YLPM1: variants seen among roughly 807,000 people sequenced by gnomAD.
The protein encoded by YLPM1 is YLP motif-containing protein 1.
Under a neutral mutation model 230.0 loss-of-function variants are expected in YLPM1, and 99 were observed. That is an observed-to-expected ratio of 0.43 (90% CI 0.37 to 0.51). The LOEUF (loss-of-function observed/expected upper bound fraction) is 0.51. Ranked by LOEUF, YLPM1 falls within the 20% of genes least tolerant of loss-of-function variation. The pLI is 0.00. For synonymous variants in YLPM1, 984 were observed against 942.5 expected (o/e 1.04, Z -0.81); for missense variants, 2,592 against 2,707.7 (o/e 0.96, Z 0.95).
chr14:74,811,770 T>C, intron 10 of YLPM1, 32 bp downstream of exon 10: 1 of 1,423,064 alleles, frequency 7.0e-7, no homozygotes, highest in Non-Finnish European at 9.5e-7. Context: ...TACAAGGATG[T>C]TGAGAATGTA....
At chr14:74,802,493 TGTA>T (rs2091337740) in intron 5 of YLPM1, 60 bp from the exon 6 acceptor site, 1 of 1,517,778 alleles carries the variant, frequency 6.6e-7, no homozygotes, top group Non-Finnish European at 8.8e-7. Context: ...AAATATTAAT[TGTA>T]GTCACTTAGG....
chr14:74,830,768 G>T (rs772412830), intron 19 of YLPM1, among the ~76,000 whole-genome samples: 3 of 152,036 alleles, frequency 2.0e-5, no homozygotes, highest in Non-Finnish European at 2.9e-5. Context: ...AAGGGGAGGG[G>T]GTCCCAACTC....
chr14:74,794,493 A>T (rs1470209103), intron 4 of YLPM1, among the ~76,000 whole-genome samples: 1 of 152,026 alleles, frequency 6.6e-6, no homozygotes, highest in Non-Finnish European at 1.5e-5. Flanking sequence ...TCTTTCCCAT[A>T]TGTTTCTGAT....
At position 74,763,584 on chromosome 14, in the gene YLPM1, C is replaced by T. The variant is rs1277255370; in HGVS notation, c.95C>T (p.Pro32Leu). The T allele has an allele frequency of 5.7e-6, 9 of 1,585,566 alleles. No homozygotes were observed. In the African/African-American group the frequency reaches 6.9e-5, roughly 12 times the overall value. Residue 32 changes from proline to leucine, a missense_variant, in exon 1 of 21, where the codon CCG becomes CTG. Around this residue, in one of 4 missense-constraint regions of YLPM1, gnomAD observed 1,862 missense variants for 1,819.8 expected, o/e 1.02. Coordinates refer to ENST00000325680, the MANE Select transcript of YLPM1 (RefSeq NM_019589.3). ...PPPVALPEAS[P>L]GPGYSSSTTP... ...CCAGTGGCGCTTCCTGAGGCCTCGCCGGGGCCCGGGTACTCGAGCTCGACG... is the reference window on the plus strand; with the variant it reads ...CCAGTGGCGCTTCCTGAGGCCTCGCTGGGGCCCGGGTACTCGAGCTCGACG...
chr14:74,783,211 C>T (rs893754899), intron 4 of YLPM1, among the ~76,000 whole-genome samples: 2 of 152,006 alleles, frequency 1.3e-5, no homozygotes, highest in Non-Finnish European at 1.5e-5. Context: ...ACCAGAGGTG[C>T]GCACCAACAC....
intron 5 of YLPM1, among the ~76,000 whole-genome samples, chr14:74,801,146 G>GTGC (rs1429608106): frequency 1.3e-5 from 2 of 152,068 alleles, no homozygotes; most frequent in African/African-American, 4.8e-5. Context: ...TGGATAAAAG[G>GTGC]TGCTGCTGCT....
Position 74,763,578 on chromosome 14 carries a change from C to T in YLPM1, c.89C>T (p.Ala30Val). The T allele has an allele frequency of 6.3e-7, 1 of 1,584,978 alleles. No individual in the cohort carries two copies. The highest frequency in any genetic ancestry group is 1.4e-5 in the African/African-American group (1 of 72,530). The change falls in exon 1 of 21, where the codon GCC (alanine) becomes GTC (valine). Residue 30 changes from alanine to valine, a missense_variant. Around this residue, in one of 4 missense-constraint regions of YLPM1, gnomAD observed 1,862 missense variants for 1,819.8 expected, o/e 1.02. Transcript: ENST00000325680. ...PPPPPVALPEASPGPGYSSST... is the reference protein window; with the variant it reads ...PPPPPVALPEVSPGPGYSSST... ...CCGCCGCCAGTGGCGCTTCCTGAGG[C>T]CTCGCCGGGGCCCGGGTACTCGAGC...
At chr14:74,770,534 A>T (rs2090968662) in intron 1 of YLPM1, among the ~76,000 whole-genome samples, 1 of 151,586 alleles carries the variant, frequency 6.6e-6, no homozygotes, top group Non-Finnish European at 1.5e-5. Context: ...CTGAGGTGGG[A>T]GGATCACTTG....
At chr14:74,824,718 G>A (rs908029263) in intron 18 of YLPM1, among the ~76,000 whole-genome samples, 1 of 151,904 alleles carries the variant, frequency 6.6e-6, no homozygotes, top group Non-Finnish European at 1.5e-5. Context: ...TTAATTAAAA[G>A]GCATTTATTC....
At chr14:74,824,532 C>A (rs895714016) in intron 18 of YLPM1, among the ~76,000 whole-genome samples, 6 of 151,982 alleles carry the variant, frequency 3.9e-5, no homozygotes, top group Non-Finnish European at 7.4e-5. Context: ...TTAGAGTCAA[C>A]AGAAATATTT....
At chr14:74,827,411 A>G in intron 18 of YLPM1, 1 of 985,404 alleles carries the variant, frequency 1.0e-6, no homozygotes, top group African/African-American at 1.7e-5. Context: ...CTTCAGCCCA[A>G]GAAGGAAACT....
intron 4 of YLPM1, among the ~76,000 whole-genome samples, chr14:74,797,339 A>G (rs1334298608): frequency 6.6e-6 from 1 of 151,424 alleles, no homozygotes; most frequent in African/African-American, 2.4e-5. Context: ...GCGGCAGGAG[A>G]TGTGTTGAAG....
Position 74,765,756 on chromosome 14 carries a change from G to A in YLPM1, c.873+1394G>A, listed in dbSNP as rs570489829. ...TTTTTTGGGAGGAGTGTGTGTGTCA[G>A]ATCAGGCCTTAATATGTATAGTTAC... On this transcript the variant is annotated intron_variant, in intron 1 of 20. Coordinates refer to ENST00000325680, the MANE Select transcript of YLPM1 (RefSeq NM_019589.3). Among the ~76,000 whole-genome samples the A allele has an allele frequency of 2.6e-5, 4 of 152,304 alleles. No homozygotes were observed. In the South Asian group the frequency reaches 8.3e-4, roughly 32 times the overall value.
At chr14:74,772,504 A>G (rs1594808428) in intron 1 of YLPM1, among the ~76,000 whole-genome samples, 1 of 152,022 alleles carries the variant, frequency 6.6e-6, no homozygotes, top group East Asian at 1.9e-4. Context: ...GATTACAGGC[A>G]TGTGCCACCA....
chr14:74,805,023 CTTT>C (rs369306225), intron 6 of YLPM1, among the ~76,000 whole-genome samples: 3 of 139,092 alleles, frequency 2.2e-5, no homozygotes, highest in Non-Finnish European at 1.6e-5. Flanking sequence ...TTCTTTTTTC[CTTT>C]TTTTTTTTTT....
intron 11 of YLPM1, 117 bp downstream of exon 11, chr14:74,812,899 A>G: frequency 7.7e-7 from 1 of 1,294,094 alleles, no homozygotes; most frequent in South Asian, 1.7e-5. Context: ...CAGATTCAAG[A>G]CGTTTTACTA....
intron 1 of YLPM1, among the ~76,000 whole-genome samples, chr14:74,767,253 C>T (rs975950926): frequency 8.5e-5 from 13 of 152,168 alleles, no homozygotes; most frequent in African/African-American, 2.9e-4. Context: ...CATCTAATAC[C>T]TGATCCGTTC....
At chr14:74,817,318 G>A (rs534790183) in intron 15 of YLPM1, 41 bp downstream of exon 15, 20 of 1,503,666 alleles carry the variant, frequency 1.3e-5, no homozygotes, top group Non-Finnish European at 1.6e-5. Context: ...ACTATCATGC[G>A]CTGCATAATG....
chr14:74,787,138 T>C (rs903473324), intron 4 of YLPM1, among the ~76,000 whole-genome samples: 1 of 152,158 alleles, frequency 6.6e-6, no homozygotes, highest in Non-Finnish European at 1.5e-5. Flanking sequence ...TTCCCATTTT[T>C]TGACTAGGTT....
Sources: allele counts gnomAD v4.1 joint callset (sites outside exome capture counted in the v4.1 genomes callset), GRCh38; gene constraint gnomAD v4.1.1; regional missense constraint gnomAD v4.1.1; transcripts MANE v1.5; gene names NCBI Gene and HGNC (gene_info 2026-07-23, HGNC 2026-07-21).